ERBB2: variants seen among roughly 807,000 people sequenced by gnomAD.
The protein encoded by ERBB2 is erb-b2 receptor tyrosine kinase 2.
Under a neutral mutation model 149.0 loss-of-function variants are expected in ERBB2, and 61 were observed. That is an observed-to-expected ratio of 0.41 (90% confidence interval 0.33 to 0.51). The LOEUF is 0.51. Among genes scored for constraint, ERBB2 ranks in the 20% least tolerant of loss-of-function variants. The pLI, the probability that ERBB2 is intolerant of heterozygous loss-of-function variation, is 0.25. For synonymous variants in ERBB2, 633 were observed against 678.8 expected (o/e 0.93, Z 1.05); for missense variants, 1,205 against 1,655.1 (o/e 0.73, Z 4.72).
intron 2 of ERBB2, among the ~76,000 whole-genome samples, chr17:39,689,617 T>G (rs911373765): frequency 3.3e-4 from 50 of 152,306 alleles, no homozygotes; most frequent in Middle Eastern, 3.4e-3. Flanking sequence ...AGAAAATTCC[T>G]AAGTAAGGCT....
At position 39,715,526 on chromosome 17, in the gene ERBB2, A is replaced by C; in HGVS notation, c.1303A>C (p.Ile435Leu). The stretch of plus-strand genomic sequence containing the variant: ...GAACCTGCAAGTAATCCGGGGACGA[A>C]TTCTGCACAAGTGAGCACTGAGAAA... ...FQNLQVIRGR[I>L]LHNGAYSLTL... is the part of the protein sequence containing the mutation. The change falls in exon 11 of 27, where the codon ATT (isoleucine) becomes CTT (leucine). Residue 435 changes from isoleucine to leucine, a missense_variant. By Grantham distance (5) the Ile-to-Leu change is conservative. This residue lies in a region of ERBB2 where 569 missense variants were observed against 803.5 expected (regional missense o/e 0.71). Transcript: ENST00000269571. 1.2e-6 allele frequency: 2 copies of C among 1,614,162 alleles called. No homozygotes were observed. The highest frequency in any genetic ancestry group is 8.5e-7 in the Non-Finnish European group (1 of 1,180,012).
In ERBB2 at chr17:39,709,869, G is replaced by T. The variant is rs1265935073; in HGVS notation, c.631G>T (p.Asp211Tyr). The T allele has an allele frequency of 6.2e-7, 1 of 1,613,284 alleles. No individual in the cohort carries two copies. Among genetic ancestry groups the T allele is most frequent in the Non-Finnish European group, 8.5e-7 (1 of 1,179,864 alleles). Reference sequence around the variant, plus strand: ...CCGCTGCTGGGGAGAGAGTTCTGAGGATTGTCAGAGCCGTGAGTCTCAGGG... The same window carrying T: ...CCGCTGCTGGGGAGAGAGTTCTGAGTATTGTCAGAGCCGTGAGTCTCAGGG... Reference protein sequence around the residue: ...GSRCWGESSEDCQSLTRTVCA... With the variant: ...GSRCWGESSEYCQSLTRTVCA... Residue 211 changes from aspartate to tyrosine, a missense_variant, in exon 5 of 27, where the codon GAT becomes TAT. By Grantham distance (160) the Asp-to-Tyr change is radical. Transcript: ENST00000269571.
upstream of ERBB2, among the ~76,000 whole-genome samples, chr17:39,693,538 G>A (rs767466201): frequency 5.9e-5 from 9 of 151,894 alleles, no homozygotes; most frequent in South Asian, 2.1e-4. Flanking sequence ...CTGGAATGCC[G>A]TGGTGTGATC....
upstream of ERBB2, among the ~76,000 whole-genome samples, chr17:39,694,258 T>TACAG (rs1567888084): frequency 5.3e-5 from 1 of 19,046 alleles, no homozygotes; most frequent in African/African-American, 1.2e-4. Context: ...TATATATATA[T>TACAG]ATATATATAT....
rs2143070617 is a variant in ERBB2 at position 39,725,787 on chromosome 17, G to T, written c.2806G>T (p.Glu936Ter). The T allele has an allele frequency of 6.2e-7, 1 of 1,613,536 alleles. No individual in the cohort carries two copies. Among genetic ancestry groups the T allele is most frequent in the African/African-American group, 1.3e-5 (1 of 74,984 alleles). Residue 936 changes from glutamate to a stop codon, truncating the protein, a stop_gained, in exon 23 of 27, where the codon GAA becomes TAA. Coordinates refer to ENST00000269571, the MANE Select transcript of ERBB2 (RefSeq NM_004448.4). LOFTEE classifies it high-confidence loss of function. This position sits in a 1 kb window ranked among gnomAD's most constrained non-coding sequence, Gnocchi z 4.6. The stretch of plus-strand genomic sequence containing the variant: ...AGCCCGGGAGATCCCTGACCTGCTG[G>T]AAAAGGGGGAGCGGCTGCCCCAGCC... The part of the protein sequence containing the change: ...IPAREIPDLL[E>*]KGERLPQPPI...
rs2059681040 is a variant in ERBB2, at chr17:39,725,183, G to A, written c.2628G>A (p.Glu876=). 6 of 1,613,984 alleles carry A rather than the reference G, an allele frequency of 3.7e-6. No individual in the cohort carries two copies. The highest frequency in any genetic ancestry group is 1.3e-5 in the African/African-American group (1 of 74,920). The change falls in exon 21 of 27, where the codon GAG becomes GAA. Residue 876 remains glutamate (E), a synonymous_variant. Transcript: ENST00000269571. The surrounding 1 kb of genome is among the most constrained non-coding windows in gnomAD (Gnocchi z 4.6). ...GGCTGCTGGACATTGACGAGACAGA[G>A]TACCATGCAGATGGGGGCAAGGTTA... The part of the protein sequence containing the change: ...LARLLDIDET[E]YHADGGKVPI...
In ERBB2 at chr17:39,723,500, C is replaced by G. The variant is rs773691858; in HGVS notation, c.2086-38C>G. On this transcript the variant is annotated intron_variant, in intron 17 of 26. Transcript: ENST00000269571. The surrounding 1 kb of genome is among the most constrained non-coding windows in gnomAD (Gnocchi z 6.2). ...CCTCCCAGCCCGCGTGGGGTCTGCACCGGCCCCCGGCACTGACCCACCACC... is the reference window on the plus strand; with the variant it reads ...CCTCCCAGCCCGCGTGGGGTCTGCAGCGGCCCCCGGCACTGACCCACCACC... 1.9e-6 allele frequency: 3 copies of G among 1,613,560 alleles called. No individual in the cohort carries two copies. The highest frequency in any genetic ancestry group is 2.5e-6 in the Non-Finnish European group (3 of 1,179,802).
In ERBB2 at chr17:39,725,529, C is replaced by A; in HGVS notation, c.2725+127C>A. The A allele has an allele frequency of 8.1e-7, 1 of 1,238,460 alleles. No homozygotes were observed. The highest frequency in any genetic ancestry group is 1.2e-6 in the Non-Finnish European group (1 of 867,702). The allele number at this position is 1,238,460 out of a possible 1,614,324, so 76.7% of individuals were successfully genotyped here. A position where few individuals can be genotyped will look rare whatever the true frequency, so the allele number is the denominator to read the frequency against. ...AGGGAGGGAAGGGGCTGCCTGTGCC[C>A]CACCTTGCAGGGTCTGTGCACTTCC... On this transcript the variant is annotated intron_variant, in intron 22 of 26. Transcript: ENST00000269571. This position sits in a 1 kb window ranked among gnomAD's most constrained non-coding sequence, Gnocchi z 4.6.
rs2059679446 is a variant in ERBB2 at position 39,725,158 on chromosome 17, G to T, written c.2603G>T (p.Arg868Leu). 1 of 1,614,124 alleles carries T rather than the reference G, an allele frequency of 6.2e-7. No individual in the cohort carries two copies. Residue 868 changes from arginine (R) to leucine (L), a missense_variant, in exon 21 of 27, where the codon CGG becomes CTG. This residue lies in a region of ERBB2 where 152 missense variants were observed against 318.1 expected (regional missense o/e 0.48). Coordinates refer to ENST00000269571, the MANE Select transcript of ERBB2 (RefSeq NM_004448.4). This position sits in a 1 kb window ranked among gnomAD's most constrained non-coding sequence, Gnocchi z 4.6. ...AAAATTACAGACTTCGGGCTGGCTCGGCTGCTGGACATTGACGAGACAGAG... is the reference window on the plus strand; with the variant it reads ...AAAATTACAGACTTCGGGCTGGCTCTGCTGCTGGACATTGACGAGACAGAG... ...HVKITDFGLA[R>L]LLDIDETEYH...
In ERBB2 at chr17:39,710,356, A is replaced by T; in HGVS notation, c.776A>T (p.Asn259Ile). The T allele has an allele frequency of 6.2e-7, 1 of 1,614,068 alleles. No homozygotes were observed. Among genetic ancestry groups the T allele is most frequent in the Non-Finnish European group, 8.5e-7 (1 of 1,180,008 alleles). Residue 259 changes from asparagine to isoleucine, a missense_variant, in exon 7 of 27, where the codon AAC becomes ATC. Around this residue, in one of 6 missense-constraint regions of ERBB2, gnomAD observed 569 missense variants for 803.5 expected, o/e 0.71. Transcript: ENST00000269571. Reference sequence around the variant, plus strand: ...TCCCCCCAGGCCTGCCTCCACTTCAACCACAGTGGCATCTGTGAGCTGCAC... The same window carrying T: ...TCCCCCCAGGCCTGCCTCCACTTCATCCACAGTGGCATCTGTGAGCTGCAC... ...HSDCLACLHF[N>I]HSGICELHCP...
rs749711404 is a variant in ERBB2, at chr17:39,708,424, A to T, written c.329A>T (p.Asp110Val). The T allele has an allele frequency of 6.2e-7, 1 of 1,614,060 alleles. No homozygotes were observed. The highest frequency in any genetic ancestry group is 8.5e-7 in the Non-Finnish European group (1 of 1,180,020). The change falls in exon 3 of 27, where the codon GAC becomes GTC. Residue 110 changes from aspartate to valine, a missense_variant. Transcript: ENST00000269571. ...GTGCGAGGCACCCAGCTCTTTGAGGACAACTATGCCCTGGCCGTGCTAGAC... is the reference window on the plus strand; with the variant it reads ...GTGCGAGGCACCCAGCTCTTTGAGGTCAACTATGCCCTGGCCGTGCTAGAC... ...RIVRGTQLFE[D>V]NYALAVLDNG...
rs753017461 is a variant in ERBB2, at chr17:39,723,251, C to T, written c.1947-68C>T. The T allele has an allele frequency of 4.0e-5, 61 of 1,506,278 alleles. No individual in the cohort carries two copies. Among genetic ancestry groups the T allele is most frequent in the Middle Eastern group, 2.0e-4 (1 of 4,908 alleles). 93.3% of individuals were successfully genotyped at this position (1,506,278 alleles called of 1,614,324 possible). ...GAATGCCAAACACCTTCATGTCCCCCGTGGGCCCCCTTTGTCCCTCCCACC... is the reference window on the plus strand; with the variant it reads ...GAATGCCAAACACCTTCATGTCCCCTGTGGGCCCCCTTTGTCCCTCCCACC... On this transcript the variant is annotated intron_variant, in intron 16 of 26. Coordinates refer to ENST00000269571, the MANE Select transcript of ERBB2 (RefSeq NM_004448.4). The surrounding 1 kb of genome is among the most constrained non-coding windows in gnomAD (Gnocchi z 6.2).
chr17:39,707,364 G>A, intron 2 of ERBB2: 1 of 423,480 alleles, frequency 2.4e-6, no homozygotes. Flanking sequence ...TGGATGGGAT[G>A]CGTCTGTGTT....
Position 39,716,612 on chromosome 17 carries a change from T to C in ERBB2, c.1737+7T>C, listed in dbSNP as rs548839021. 1.2e-6 allele frequency: 2 copies of C among 1,613,472 alleles called. No homozygotes were observed. Among genetic ancestry groups the C allele is most frequent in the African/African-American group, 2.7e-5 (2 of 74,972 alleles). On this transcript the variant is annotated splice_region_variant and intron_variant, in intron 14 of 26. Transcript: ENST00000269571. ...AGTGACCTGTTTTGGACCGGTGAGC[T>C]GCTGGCGGGCTCAGAGCTGGGTGGA...
At chr17:39,713,856 G>T (rs1361981121) in intron 9 of ERBB2, among the ~76,000 whole-genome samples, 1 of 151,542 alleles carries the variant, frequency 6.6e-6, no homozygotes, top group African/African-American at 2.4e-5. Flanking sequence ...AGGAATTCAA[G>T]AACAGCGTGG....
upstream of ERBB2, among the ~76,000 whole-genome samples, chr17:39,699,155 G>A (rs55941758): frequency 6.6e-6 from 1 of 152,174 alleles, no homozygotes; most frequent in African/African-American, 2.4e-5. Context: ...GCATTTTGAA[G>A]AATTGAGATA....
Position 39,728,069 on chromosome 17 carries a change from C to A in ERBB2, c.*25C>A, listed in dbSNP as rs777932453. 3 of 1,504,608 alleles carry A rather than the reference C, an allele frequency of 2.0e-6. No homozygotes were observed. The Middle Eastern group carries it at 5.2e-4, about 263-fold the overall frequency. The allele number at this position is 1,504,608 out of a possible 1,614,324, so 93.2% of individuals were successfully genotyped here. On this transcript the variant is annotated 3_prime_UTR_variant, in exon 27 of 27. Transcript: ENST00000269571. ...AACCAGAAGGCCAAGTCCGCAGAAG[C>A]CCTGATGTGTCCTCAGGGAGCAGGG... is the stretch of plus-strand genomic sequence containing the variant.
Position 39,712,039 on chromosome 17 carries a change from G to A in ERBB2, c.1013G>A (p.Cys338Tyr), listed in dbSNP as rs2058829093. 6.2e-7 allele frequency: 1 copy of A among 1,613,948 alleles called. No homozygotes were observed. The highest frequency in any genetic ancestry group is 1.7e-5 in the Admixed American group (1 of 60,024). ...TQRCEKCSKP[C>Y]ARVCYGLGME... Reference sequence around the variant, plus strand: ...CGGTGTGAGAAGTGCAGCAAGCCCTGTGCCCGAGGTACCCACTCACTGCCC... The same window carrying A: ...CGGTGTGAGAAGTGCAGCAAGCCCTATGCCCGAGGTACCCACTCACTGCCC... Residue 338 changes from cysteine to tyrosine, a missense_variant, in exon 8 of 27, where the codon TGT becomes TAT. Physicochemically the swap from Cys to Tyr is radical, Grantham distance 194. This residue lies in a region of ERBB2 where 569 missense variants were observed against 803.5 expected (regional missense o/e 0.71). Coordinates refer to ENST00000269571, the MANE Select transcript of ERBB2 (RefSeq NM_004448.4).
At chr17:39,691,546 T>TAAAAAAAAAAAAAAAAAA (rs557885708), upstream of ERBB2, among the ~76,000 whole-genome samples, 15 of 108,450 alleles carry the variant, frequency 1.4e-4, 1 homozygote, top group African/African-American at 6.5e-4. Flanking sequence ...CCATCTACAT[T>TAAAAAAAAAAAAAAAAAA]AAAAAAAAAA....
Sources: gnomAD v4.1 joint callset for allele counts (sites outside exome capture counted in the v4.1 genomes callset) on GRCh38, gnomAD v4.1.1 for gene constraint, gnomAD v4.1.1 regional missense constraint, Gnocchi (gnomAD v3.1) non-coding constraint, MANE v1.5 for transcripts, NCBI Gene and HGNC (gene_info 2026-07-23, HGNC 2026-07-21) for gene names.